WWOX: variants seen among roughly 807,000 people sequenced by gnomAD.
The protein encoded by WWOX is WW domain containing oxidoreductase, also known as WW domain-containing oxidoreductase.
Under a neutral mutation model 46.2 loss-of-function variants are expected in WWOX, and 69 were observed. That is an observed-to-expected ratio of 1.49 (90% confidence interval 1.23 to 1.82). The LOEUF (loss-of-function observed/expected upper bound fraction) is 1.82, where lower values mean the gene tolerates loss of function less well. Among genes scored for constraint, WWOX ranks in the 40% most tolerant of loss-of-function variants. The pLI is 0.00. For missense variants in WWOX, 919 were observed against 542.6 expected, an observed-to-expected ratio of 1.69 and a Z score of -6.89; for synonymous variants, 359 against 202.6, an observed-to-expected ratio of 1.77 and a Z score of -6.56.
At chr16:79,058,570 A>G (rs2048307018) in intron 8 of WWOX, among the ~76,000 whole-genome samples, 1 of 152,172 alleles carries the variant, frequency 6.6e-6, no homozygotes, top group Admixed American at 6.5e-5. Flanking sequence ...AAAGACATTC[A>G]CGTTTTGTGG....
At chr16:78,184,982 C>G (rs1195745954) in intron 5 of WWOX, among the ~76,000 whole-genome samples, 2 of 152,184 alleles carry the variant, frequency 1.3e-5, no homozygotes, top group African/African-American at 2.4e-5. Flanking sequence ...GGGGATCTCA[C>G]TCAGCCACCG....
At chr16:79,139,048 G>T (rs1399637397) in intron 8 of WWOX, among the ~76,000 whole-genome samples, 1 of 152,160 alleles carries the variant, frequency 6.6e-6, no homozygotes, top group Non-Finnish European at 1.5e-5. Flanking sequence ...AACGAAGATA[G>T]ATGGTCCCCC....
intron 6 of WWOX, among the ~76,000 whole-genome samples, chr16:78,422,828 T>TATATATATACACACAC (rs2082977029): frequency 1.9e-5 from 2 of 105,254 alleles, no homozygotes; most frequent in Admixed American, 1.1e-4. Context: ...TACACACACA[T>TATATATATACACACAC]ATATATATAT....
intron 8 of WWOX, among the ~76,000 whole-genome samples, chr16:78,849,595 AAACAACTACAACCACATTTTGAG>A (rs1376607223): frequency 1.4e-5 from 2 of 147,056 alleles, no homozygotes; most frequent in Non-Finnish European, 3.0e-5. Context: ...AAAAAAAAGA[AAACAACTACAACCACATTTTGAG>A]ATAGGCCTTC....
intron 8 of WWOX, among the ~76,000 whole-genome samples, chr16:78,817,583 C>G (rs534338502): frequency 1.3e-5 from 2 of 152,208 alleles, no homozygotes; most frequent in African/African-American, 4.8e-5. Context: ...TACAAAACCT[C>G]TCGCTTGGAG....
intron 8 of WWOX, among the ~76,000 whole-genome samples, chr16:78,786,910 G>A (rs769576927): frequency 6.6e-6 from 1 of 152,208 alleles, no homozygotes; most frequent in African/African-American, 2.4e-5. Flanking sequence ...CACTTTGGGA[G>A]GCTGAGGTGG....
intron 8 of WWOX, among the ~76,000 whole-genome samples, chr16:78,984,482 G>A (rs1057141696): frequency 5.3e-5 from 8 of 152,216 alleles, no homozygotes; most frequent in Non-Finnish European, 1.0e-4. Flanking sequence ...ATGGATGGGT[G>A]TGGCCGTGTG....
chr16:78,492,108 G>C (rs1472193463), intron 8 of WWOX, among the ~76,000 whole-genome samples: 1 of 152,132 alleles, frequency 6.6e-6, no homozygotes, highest in Non-Finnish European at 1.5e-5. Context: ...CCAGCCAACT[G>C]GTTTCACATG....
chr16:78,971,881 C>G (rs8048317), intron 8 of WWOX, among the ~76,000 whole-genome samples: 1 of 152,136 alleles, frequency 6.6e-6, no homozygotes, highest in Non-Finnish European at 1.5e-5. Flanking sequence ...GTTTCCTCAT[C>G]AGCAGAATCG....
chr16:79,139,004 C>T (rs1211222673), intron 8 of WWOX, among the ~76,000 whole-genome samples: 2 of 152,102 alleles, frequency 1.3e-5, no homozygotes, highest in African/African-American at 2.4e-5. Flanking sequence ...TATTGATGAC[C>T]TTTCTCTCCT....
chr16:78,650,144 G>A (rs1204515472), intron 8 of WWOX, among the ~76,000 whole-genome samples: 1 of 152,170 alleles, frequency 6.6e-6, no homozygotes, highest in Admixed American at 6.5e-5. Flanking sequence ...ACAAATGAAC[G>A]CAGATTAAGG....
intron 8 of WWOX, among the ~76,000 whole-genome samples, chr16:78,906,461 T>C (rs938350875): frequency 2.0e-5 from 3 of 151,984 alleles, no homozygotes; most frequent in Admixed American, 2.0e-4. Context: ...AGCCCTGTCA[T>C]CAGCAGGGAG....
chr16:78,469,513 C>G (rs985265942), intron 8 of WWOX, among the ~76,000 whole-genome samples: 3 of 152,118 alleles, frequency 2.0e-5, no homozygotes, highest in Non-Finnish European at 2.9e-5. Flanking sequence ...ATTACCCATT[C>G]AGTTTAAACT....
chr16:78,407,537 A>G (rs1397072500), intron 6 of WWOX, among the ~76,000 whole-genome samples: 2 of 152,142 alleles, frequency 1.3e-5, no homozygotes, highest in African/African-American at 4.8e-5. Flanking sequence ...ACTCAACCCC[A>G]TGGTGGTGTC....
intron 8 of WWOX, among the ~76,000 whole-genome samples, chr16:79,079,332 T>C (rs573571458): frequency 6.6e-6 from 1 of 152,314 alleles, no homozygotes; most frequent in South Asian, 2.1e-4. Flanking sequence ...CTCTCTTTTT[T>C]TCTTGGGTTC....
At chr16:79,133,897 T>C (rs530552764) in intron 8 of WWOX, among the ~76,000 whole-genome samples, 1 of 152,188 alleles carries the variant, frequency 6.6e-6, no homozygotes, top group Non-Finnish European at 1.5e-5. Flanking sequence ...TAGATTTTTT[T>C]GGGGGCATTT....
intron 5 of WWOX, among the ~76,000 whole-genome samples, chr16:78,334,823 C>G (rs202085087): frequency 8.7e-6 from 1 of 115,526 alleles, no homozygotes; most frequent in African/African-American, 3.6e-5. Context: ...CACACACACA[C>G]ACACACACAT....
chr16:79,093,344 T>C (rs972966883), intron 8 of WWOX, among the ~76,000 whole-genome samples: 1 of 152,214 alleles, frequency 6.6e-6, no homozygotes, highest in African/African-American at 2.4e-5. Context: ...AATTTGTTTA[T>C]TTAAATTTTC....
chr16:78,916,771 A>G (rs150481374), intron 8 of WWOX, among the ~76,000 whole-genome samples: 42 of 152,326 alleles, frequency 2.8e-4, no homozygotes, highest in African/African-American at 8.7e-4. Context: ...AGTTTATCCA[A>G]TTGTTACAAC....
Sources: gnomAD v4.1 joint callset for allele counts (sites outside exome capture counted in the v4.1 genomes callset) on GRCh38, gnomAD v4.1.1 for gene constraint, MANE v1.5 for transcripts, NCBI Gene and HGNC (gene_info 2026-07-23, HGNC 2026-07-21) for gene names.